The following ACOXL variants were observed in gnomAD, a reference collection of about 807,000 sequenced individuals.
ACOXL encodes acyl-coenzyme A oxidase-like protein.
Under a neutral mutation model 71.9 loss-of-function variants are expected in ACOXL, and 70 were observed. The observed-to-expected ratio is 0.97, with a 90% confidence interval of 0.80 to 1.19. The LOEUF is 1.19. Among genes scored for constraint, ACOXL ranks in the 50% most tolerant of loss-of-function variants. The pLI, the probability that ACOXL is intolerant of heterozygous loss-of-function variation, is 0.00. For missense variants in ACOXL, 703 were observed against 736.3 expected, an observed-to-expected ratio of 0.95 and a Z score of 0.52; for synonymous variants, 253 against 281.6, an observed-to-expected ratio of 0.90 and a Z score of 1.02.
rs189711790 is a variant in ACOXL, at chr2:111,083,081, T to G, written c.1441-9784T>G. ...ATAGCATTAGGAGAAATACCTAATGTAGATGATGGGTTGATGGGTTCAGCA... is the reference window on the plus strand; with the variant it reads ...ATAGCATTAGGAGAAATACCTAATGGAGATGATGGGTTGATGGGTTCAGCA... On this transcript the variant is annotated intron_variant, in intron 16 of 17. Coordinates refer to ENST00000439055, the MANE Select transcript of ACOXL (RefSeq NM_001142807.4). Among the ~76,000 whole-genome samples the G allele has an allele frequency of 3.2e-3, 488 of 152,170 alleles. 3 individuals are homozygous for G. Among genetic ancestry groups the G allele is most frequent in the African/African-American group, 0.011 (462 of 41,520 alleles).
intron 10 of ACOXL, among the ~76,000 whole-genome samples, chr2:110,897,693 A>G (rs2059069571): frequency 6.8e-6 from 1 of 148,040 alleles, no homozygotes; most frequent in Non-Finnish European, 1.5e-5. Flanking sequence ...GAACCTAGAA[A>G]AAGAAGAACA....
At chr2:110,758,459 T>A (rs955192969) in intron 1 of ACOXL, among the ~76,000 whole-genome samples, 1 of 152,224 alleles carries the variant, frequency 6.6e-6, no homozygotes, top group Non-Finnish European at 1.5e-5. Context: ...GTGAATAGCA[T>A]TGAATCTATA....
intron 16 of ACOXL, among the ~76,000 whole-genome samples, chr2:111,083,318 G>A (rs2068026976): frequency 6.6e-6 from 1 of 152,142 alleles, no homozygotes; most frequent in Non-Finnish European, 1.5e-5. Context: ...TTGCTAGAAT[G>A]TCTCATAGGA....
intron 10 of ACOXL, among the ~76,000 whole-genome samples, chr2:110,862,332 G>A (rs1694050284): frequency 6.6e-6 from 1 of 152,164 alleles, no homozygotes; most frequent in Admixed American, 6.5e-5. Context: ...GGGAGAGCAC[G>A]GAGCTGAGTG....
At chr2:110,893,728 G>T (rs185635165) in intron 10 of ACOXL, among the ~76,000 whole-genome samples, 68 of 152,166 alleles carry the variant, frequency 4.5e-4, no homozygotes, top group African/African-American at 1.6e-3. Flanking sequence ...TCATGATATA[G>T]CCCTAATTGA....
In ACOXL at chr2:110,939,164, T is replaced by G. The variant is rs577214654; in HGVS notation, c.1059+5522T>G. Among the ~76,000 whole-genome samples the G allele has an allele frequency of 3.3e-5, 5 of 152,340 alleles. No individual in the cohort carries two copies. The East Asian group carries it at 7.7e-4, about 23-fold the overall frequency. On this transcript the variant is annotated intron_variant, in intron 12 of 17. Transcript: ENST00000439055. ...TTTTCCTCTCAACTGCTAACTTTAG[T>G]GTTTGTTGCTATAGCCTAAAATGAG...
chr2:111,018,940 C>A lies in ACOXL; in HGVS notation c.1282-12687C>A, dbSNP rs534703776. ...TATACCCATCACCTCCCACTCACAG[C>A]CCCAAGAATGCCTCCTGCAGCTGCC... is the stretch of plus-strand genomic sequence containing the variant. On this transcript the variant is annotated intron_variant, in intron 14 of 17. Transcript: ENST00000439055. Among the ~76,000 whole-genome samples, 104 of 152,318 alleles carry A rather than the reference C, an allele frequency of 6.8e-4. No individual in the cohort carries two copies. The Middle Eastern group carries it at 0.027, about 40-fold the overall frequency.
chr2:111,107,133 G>C lies in ACOXL; in HGVS notation c.1543-10483G>C, dbSNP rs574641626. Among the ~76,000 whole-genome samples, 88 of 152,350 alleles carry C rather than the reference G, an allele frequency of 5.8e-4. 1 individual carries two copies. The highest frequency in any genetic ancestry group is 2.0e-3 in the African/African-American group (83 of 41,590). Reference sequence around the variant, plus strand: ...CCCCCATTTAGCCTTTAGAACTATGGCAGAGGTTGGGGGCATGGAATGCAC... The same window carrying C: ...CCCCCATTTAGCCTTTAGAACTATGCCAGAGGTTGGGGGCATGGAATGCAC... On this transcript the variant is annotated intron_variant, in intron 17 of 17. Transcript: ENST00000439055.
chr2:111,003,550 C>CAAAAA (rs548001377), intron 14 of ACOXL, among the ~76,000 whole-genome samples: 2,731 of 35,276 alleles, frequency 0.077, 844 homozygotes, highest in Non-Finnish European at 0.11. Flanking sequence ...GACTCTGTCT[C>CAAAAA]AAAAAAAAAA....
intron 1 of ACOXL, among the ~76,000 whole-genome samples, chr2:110,759,426 T>C (rs1680100125): frequency 6.6e-6 from 1 of 152,220 alleles, no homozygotes; most frequent in Admixed American, 6.5e-5. Context: ...TTTACTGTTA[T>C]GTAATGCCCT....
intron 16 of ACOXL, 71 bp from the exon 17 acceptor site, chr2:111,092,794 G>T: frequency 2.0e-6 from 2 of 1,007,190 alleles, no homozygotes; most frequent in Non-Finnish European, 3.1e-6. Flanking sequence ...TTTCTCTTTC[G>T]CCTCCTTAGA....
rs61028803 is a variant in ACOXL at position 110,846,641 on chromosome 2, G to GCACACACACACACACACACACACACA, written c.788+5245_788+5270dup. On this transcript the variant is annotated intron_variant, in intron 10 of 17. Transcript: ENST00000439055. ...TGTGAGCATGCAAGTATGCATACAC[G>GCACACACACACACACACACACACACA]CACACACACACACACACACACACAC... Among the ~76,000 whole-genome samples the GCACACACACACACACACACACACACA allele has an allele frequency of 7.6e-3, 1,049 of 137,932 alleles. 18 individuals carry two copies. Among genetic ancestry groups the GCACACACACACACACACACACACACA allele is most frequent in the Middle Eastern group, 0.011 (3 of 278 alleles). The allele number at this position is 137,932 out of a possible 152,430, so 90.5% of individuals were successfully genotyped here. A position where few individuals can be genotyped will look rare whatever the true frequency, so the allele number is the denominator to read the frequency against.
At chr2:111,058,060 G>C (rs2066636161) in intron 16 of ACOXL, among the ~76,000 whole-genome samples, 3 of 152,298 alleles carry the variant, frequency 2.0e-5, no homozygotes, top group South Asian at 2.1e-4. Flanking sequence ...TTTCATTTCA[G>C]ACTGCTTTAG....
At chr2:110,741,336 G>C (rs907547265) in intron 1 of ACOXL, among the ~76,000 whole-genome samples, 4 of 152,210 alleles carry the variant, frequency 2.6e-5, no homozygotes, top group Non-Finnish European at 5.9e-5. Flanking sequence ...TCTGAGGGCT[G>C]CAAGGGAGAA....
intron 11 of ACOXL, among the ~76,000 whole-genome samples, chr2:110,931,601 C>T (rs950131533): frequency 6.6e-6 from 1 of 152,146 alleles, no homozygotes; most frequent in African/African-American, 2.4e-5. Flanking sequence ...GCTCTGCCCT[C>T]ACACATGAGG....
At chr2:110,920,916 G>A (rs1204383587) in intron 11 of ACOXL, among the ~76,000 whole-genome samples, 2 of 152,062 alleles carry the variant, frequency 1.3e-5, no homozygotes, top group Non-Finnish European at 2.9e-5. Flanking sequence ...TGATACCTAA[G>A]CATTTTACCT....
intron 5 of ACOXL, among the ~76,000 whole-genome samples, chr2:110,795,111 G>T (rs1425182888): frequency 6.6e-6 from 1 of 152,220 alleles, no homozygotes; most frequent in Non-Finnish European, 1.5e-5. Context: ...GCACGTGCCC[G>T]AGCGTGGCTG....
intron 11 of ACOXL, among the ~76,000 whole-genome samples, chr2:110,914,678 C>T (rs2059773074): frequency 6.6e-6 from 1 of 152,054 alleles, no homozygotes; most frequent in Non-Finnish European, 1.5e-5. Flanking sequence ...TTTGATTTTG[C>T]CTTATTACAC....
chr2:110,894,342 A>G (rs1413148654), intron 10 of ACOXL, among the ~76,000 whole-genome samples: 1 of 151,646 alleles, frequency 6.6e-6, no homozygotes, highest in African/African-American at 2.4e-5. Flanking sequence ...CAAAAAAAAA[A>G]AAAAGCCCAA....
Sources: gnomAD v4.1 joint callset for allele counts (sites outside exome capture counted in the v4.1 genomes callset) on GRCh38, gnomAD v4.1.1 for gene constraint, MANE v1.5 for transcripts, NCBI Gene and HGNC (gene_info 2026-07-23, HGNC 2026-07-21) for gene names.